Variants in DNAH11 observed in about 807,000 individuals in gnomAD.
The protein encoded by DNAH11 is dynein axonemal heavy chain 11, also known as axonemal beta dynein heavy chain 11.
In DNAH11, 442 loss-of-function variants were observed where a neutral mutation model predicts 526.0. That is an observed-to-expected ratio of 0.84 (90% CI 0.78 to 0.91). The LOEUF (loss-of-function observed/expected upper bound fraction) is 0.91. DNAH11 is among the 40% of genes least tolerant of loss of function. DNAH11 has a pLI of 0.00. For missense variants in DNAH11, 6,989 were observed against 5,448.7 expected, an observed-to-expected ratio of 1.28 and a Z score of -8.90; for synonymous variants, 2,461 against 1,935.9, an observed-to-expected ratio of 1.27 and a Z score of -7.12.
chr7:21,883,052 C>T (rs566887159), intron 75 of DNAH11, among the ~76,000 whole-genome samples: 5 of 152,208 alleles, frequency 3.3e-5, no homozygotes, highest in South Asian at 2.1e-4. Flanking sequence ...GAGCATGTTG[C>T]GGTCTAGGCA....
intron 18 of DNAH11, among the ~76,000 whole-genome samples, chr7:21,603,277 C>T (rs1006266519): frequency 1.3e-5 from 2 of 152,158 alleles, no homozygotes; most frequent in African/African-American, 4.8e-5. Flanking sequence ...ATTGTATGTC[C>T]GTCCATACCA....
chr7:21,559,503 T>TA, intron 3 of DNAH11, 100 bp from the exon 4 acceptor site: 1 of 978,354 alleles, frequency 1.0e-6, no homozygotes, highest in Non-Finnish European at 1.5e-6. Context: ...AATTTATTTT[T>TA]AGGAAACTAG....
chr7:21,796,501 A>C (rs970627315), intron 61 of DNAH11, among the ~76,000 whole-genome samples: 3 of 152,230 alleles, frequency 2.0e-5, no homozygotes, highest in African/African-American at 7.2e-5. Flanking sequence ...GGTTATAAAC[A>C]GTTTATAAAC....
chr7:21,610,576 AG>A (rs1013371952), intron 20 of DNAH11, among the ~76,000 whole-genome samples: 2 of 152,188 alleles, frequency 1.3e-5, no homozygotes, highest in Non-Finnish European at 2.9e-5. Flanking sequence ...ATGCATGCAA[AG>A]TTTCAGATAT....
intron 66 of DNAH11, among the ~76,000 whole-genome samples, chr7:21,847,061 T>A (rs1296489060): frequency 2.0e-5 from 3 of 152,178 alleles, no homozygotes; most frequent in Non-Finnish European, 4.4e-5. Context: ...CTCATACTAG[T>A]AATTGGTGCC....
chr7:21,805,232 T>G (rs1205462005), intron 62 of DNAH11, among the ~76,000 whole-genome samples: 1 of 152,236 alleles, frequency 6.6e-6, no homozygotes, highest in Non-Finnish European at 1.5e-5. Context: ...TAACATTTTT[T>G]GATAGCATTT....
intron 2 of DNAH11, among the ~76,000 whole-genome samples, chr7:21,547,349 A>G (rs1401439376): frequency 1.3e-5 from 2 of 152,204 alleles, no homozygotes; most frequent in African/African-American, 2.4e-5. Flanking sequence ...CCAAACCCAA[A>G]GGATGGACTC....
intron 76 of DNAH11, among the ~76,000 whole-genome samples, chr7:21,891,613 G>A (rs1008257601): frequency 6.6e-6 from 1 of 152,068 alleles, no homozygotes; most frequent in Non-Finnish European, 1.5e-5. Flanking sequence ...TATTCACATT[G>A]CCTTTGTTCA....
At chr7:21,885,735 AATT>A (rs1256797302) in intron 76 of DNAH11, among the ~76,000 whole-genome samples, 1 of 152,140 alleles carries the variant, frequency 6.6e-6, no homozygotes, top group Non-Finnish European at 1.5e-5. Context: ...CAATATGTAC[AATT>A]ATTATGTGTC....
chr7:21,689,730 G>A (rs1783529955), intron 34 of DNAH11, among the ~76,000 whole-genome samples: 1 of 152,208 alleles, frequency 6.6e-6, no homozygotes, highest in Non-Finnish European at 1.5e-5. Context: ...AGTGTCTAAA[G>A]CACCCTTAGT....
intron 30 of DNAH11, among the ~76,000 whole-genome samples, chr7:21,680,146 G>A (rs570531532): frequency 7.2e-5 from 11 of 152,186 alleles, no homozygotes; most frequent in South Asian, 2.1e-4. Context: ...GCCTCCAGCC[G>A]CACGGCAATC....
Position 21,617,646 on chromosome 7 carries a change from C to G in DNAH11, c.4123C>G (p.Arg1375Gly), listed in dbSNP as rs775354685. 5.6e-6 allele frequency: 9 copies of G among 1,613,566 alleles called. No individual in the cohort carries two copies. The highest frequency in any genetic ancestry group is 7.6e-6 in the Non-Finnish European group (9 of 1,179,802). Residue 1375 changes from arginine to glycine, a missense_variant, in exon 23 of 82, where the codon CGC (arginine) becomes GGC (glycine). By Grantham distance (125) the Arg-to-Gly change is moderately radical. Transcript: ENST00000409508. ...AATTTGGTCACTCAACAAGGAAGTCCGCGTCTGGGATGCTTACACGGGCCT... is the reference window on the plus strand; with the variant it reads ...AATTTGGTCACTCAACAAGGAAGTCGGCGTCTGGGATGCTTACACGGGCCT... ...KEIWSLNKEV[R>G]VWDAYTGLEG...
chr7:21,785,849 T>G (rs1788152363), intron 58 of DNAH11, among the ~76,000 whole-genome samples: 1 of 152,242 alleles, frequency 6.6e-6, no homozygotes, highest in African/African-American at 2.4e-5. Context: ...GGGAGCAGAA[T>G]CAGGTTCAAC....
chr7:21,551,161 A>G (rs1783007660), intron 2 of DNAH11, among the ~76,000 whole-genome samples: 1 of 152,126 alleles, frequency 6.6e-6, no homozygotes. Context: ...CCCATTTGCC[A>G]TCTTCAGTTT....
At position 21,720,997 on chromosome 7, in the gene DNAH11, A is replaced by C. The variant is rs1266553022; in HGVS notation, c.7266+141A>C. The C allele has an allele frequency of 3.9e-5, 43 of 1,095,742 alleles. No individual in the cohort carries two copies. The South Asian group carries it at 7.4e-4, about 19-fold the overall frequency. The allele number at this position is 1,095,742 out of a possible 1,614,324, so 67.9% of individuals were successfully genotyped here. A position where few individuals can be genotyped will look rare whatever the true frequency, so the allele number is the denominator to read the frequency against. On this transcript the variant is annotated intron_variant, in intron 44 of 81. Coordinates refer to ENST00000409508, the MANE Select transcript of DNAH11 (RefSeq NM_001277115.2). The stretch of plus-strand genomic sequence containing the variant: ...GCCCTGTTCTCTCCTAAGTCTATGC[A>C]TTCTCTGGGTAGTCCCATCCCTGAT...
At chr7:21,899,071 G>A (rs1209168163) in intron 79 of DNAH11, among the ~76,000 whole-genome samples, 1 of 152,146 alleles carries the variant, frequency 6.6e-6, no homozygotes, top group Non-Finnish European at 1.5e-5. Flanking sequence ...AATAAAAGCT[G>A]TTGCATAAAT....
At position 21,670,703 on chromosome 7, in the gene DNAH11, A is replaced by G. The variant is rs1271240162; in HGVS notation, c.5329-10843A>G. Among the ~76,000 whole-genome samples the G allele has an allele frequency of 2.6e-5, 4 of 152,306 alleles. No individual in the cohort carries two copies. In the South Asian group the frequency reaches 6.2e-4, roughly 24 times the overall value. On this transcript the variant is annotated intron_variant, in intron 30 of 81. Coordinates refer to ENST00000409508, the MANE Select transcript of DNAH11 (RefSeq NM_001277115.2). ...TATCAGATAGAGGAAAATCCTTTCC[A>G]TTACCACATGCAGAGAGTTTGCATC...
At chr7:21,782,131 T>C (rs7806574) in intron 57 of DNAH11, among the ~76,000 whole-genome samples, 111,081 of 152,084 alleles carry the variant, frequency 0.73, 41,032 homozygotes, top group East Asian at 0.84. Flanking sequence ...TTATTGGGAC[T>C]TCATTCTCTT....
At chr7:21,597,997 G>A (rs760291907) in intron 14 of DNAH11, among the ~76,000 whole-genome samples, 1 of 152,100 alleles carries the variant, frequency 6.6e-6, no homozygotes, top group African/African-American at 2.4e-5. Flanking sequence ...TCCTGAGAAG[G>A]AGCAGTTCTT....
Sources: gnomAD v4.1 joint callset for allele counts (sites outside exome capture counted in the v4.1 genomes callset) on GRCh38, gnomAD v4.1.1 for gene constraint, MANE v1.5 for transcripts, NCBI Gene and HGNC (gene_info 2026-07-23, HGNC 2026-07-21) for gene names.